Variants in CDC42SE2 observed in about 807,000 individuals in gnomAD.
CDC42SE2 encodes CDC42 small effector 2, also known as CDC42 small effector protein 2.
Under a neutral mutation model 11.5 loss-of-function variants are expected in CDC42SE2, and 3 were observed. That is an observed-to-expected ratio of 0.26 (90% CI 0.12 to 0.67). The LOEUF is 0.67. CDC42SE2 is among the 30% of genes least tolerant of loss of function. CDC42SE2 has a pLI of 0.80. For missense variants in CDC42SE2, 82 were observed against 106.8 expected (o/e 0.77, Z 1.02); for synonymous variants, 33 against 34.8 (o/e 0.95, Z 0.18).
chr5:131,267,812 C>T (rs1193119111), intron 1 of CDC42SE2, among the ~76,000 whole-genome samples: 1 of 152,052 alleles, frequency 6.6e-6, no homozygotes, highest in Admixed American at 6.6e-5. Flanking sequence ...TTAGGTTCCT[C>T]ATCTGCTTTA....
chr5:131,245,724 G>A lies in CDC42SE2; in HGVS notation n.107+125G>A, dbSNP rs1427269490. 5 of 152,144 alleles carry A rather than the reference G, an allele frequency of 3.3e-5. 1 individual carries two copies. The highest frequency in any genetic ancestry group is 7.4e-5 in the Non-Finnish European group (5 of 68,022). The allele number at this position is 152,144 out of a possible 1,614,324, so 9.4% of individuals were successfully genotyped here. A position where few individuals can be genotyped will look rare whatever the true frequency, so the allele number is the denominator to read the frequency against. On this transcript the variant is annotated intron_variant and non_coding_transcript_variant, in intron 1 of 3. Coordinates refer to the CDC42SE2 transcript ENST00000502840. Reference sequence around the variant, plus strand: ...AATTTTCTTAATCATATTACTTGAAGTTACTTGAGCCTTTACCTTCTTTTT... The same window carrying A: ...AATTTTCTTAATCATATTACTTGAAATTACTTGAGCCTTTACCTTCTTTTT...
At chr5:131,380,069 G>A (rs1750273503) in intron 3 of CDC42SE2, among the ~76,000 whole-genome samples, 1 of 151,816 alleles carries the variant, frequency 6.6e-6, no homozygotes, top group South Asian at 2.1e-4. Flanking sequence ...TGGGATTACA[G>A]GTGCCTGCCA....
intron 2 of CDC42SE2, among the ~76,000 whole-genome samples, chr5:131,338,487 G>A (rs1352401806): frequency 1.3e-5 from 2 of 152,162 alleles, no homozygotes; most frequent in Admixed American, 1.3e-4. Flanking sequence ...ACCATGATAG[G>A]TATTCATTAA....
the CDC42SE2 span, among the ~76,000 whole-genome samples, chr5:131,240,023 T>C: frequency 6.6e-6 from 1 of 152,216 alleles, no homozygotes; most frequent in Non-Finnish European, 1.5e-5. Flanking sequence ...CCTCTGGCTA[T>C]TGGGGTGAAC....
chr5:131,365,307 G>A (rs1328232238), intron 3 of CDC42SE2, among the ~76,000 whole-genome samples: 1 of 150,946 alleles, frequency 6.6e-6, no homozygotes, highest in Non-Finnish European at 1.5e-5. Flanking sequence ...AAAAAAAAAA[G>A]AAAACATCAA....
intron 1 of CDC42SE2, chr5:131,253,252 G>A (rs961212084): frequency 3.9e-5 from 6 of 152,270 alleles, no homozygotes; most frequent in African/African-American, 7.2e-5. Context: ...GCGAAGGGAT[G>A]TCAGAGGTAG....
At chr5:131,328,378 C>T (rs2149739203) in intron 2 of CDC42SE2, among the ~76,000 whole-genome samples, 1 of 151,930 alleles carries the variant, frequency 6.6e-6, no homozygotes, top group African/African-American at 2.4e-5. Context: ...TAGGAATGGG[C>T]TCTTCTGTTA....
the CDC42SE2 span, among the ~76,000 whole-genome samples, chr5:131,234,891 A>T: frequency 6.4e-4 from 87 of 135,078 alleles, 1 homozygote; most frequent in Non-Finnish European, 1.0e-3. Flanking sequence ...GTGAGGGCAA[A>T]TTTTTTTTTT....
intron 1 of CDC42SE2, among the ~76,000 whole-genome samples, chr5:131,289,347 A>G (rs761923880): frequency 6.6e-6 from 1 of 152,196 alleles, no homozygotes; most frequent in Non-Finnish European, 1.5e-5. Flanking sequence ...TACTTCTAAG[A>G]CAGGTTGATA....
chr5:131,249,319 G>A (rs923452815), intron 1 of CDC42SE2, among the ~76,000 whole-genome samples: 1 of 151,456 alleles, frequency 6.6e-6, no homozygotes, highest in South Asian at 2.1e-4. Context: ...CGACCGGCCA[G>A]GTTATTTCTA....
At chr5:131,307,287 G>A (rs1397697990) in intron 1 of CDC42SE2, among the ~76,000 whole-genome samples, 3 of 138,302 alleles carry the variant, frequency 2.2e-5, no homozygotes, top group Non-Finnish European at 3.0e-5. Context: ...TCATTGTTCA[G>A]TTCCCACCTA....
At chr5:131,340,734 G>C (rs751584462) in intron 2 of CDC42SE2, among the ~76,000 whole-genome samples, 1 of 151,550 alleles carries the variant, frequency 6.6e-6, no homozygotes, top group Non-Finnish European at 1.5e-5. Context: ...ATCCAGGCTG[G>C]AGTGCAGTGG....
intron 3 of CDC42SE2, among the ~76,000 whole-genome samples, chr5:131,381,938 T>G (rs1322901366): frequency 1.3e-5 from 2 of 152,222 alleles, no homozygotes. Context: ...ACCTTTACTA[T>G]GCTCGCACAA....
Position 131,270,264 on chromosome 5 carries a change from A to G in CDC42SE2, c.-455+6098A>G, listed in dbSNP as rs1039893812. Among the ~76,000 whole-genome samples the G allele has an allele frequency of 2.6e-5, 4 of 152,034 alleles. No individual in the cohort carries two copies. In the South Asian group the frequency reaches 6.2e-4, roughly 24 times the overall value. On this transcript the variant is annotated intron_variant, in intron 1 of 4. Transcript: ENST00000505065. ...GTGGCAGGCACCTGTAGTCCCAGAT[A>G]CTAGGGAGGCTGAGGCAGGAGAATG... is the stretch of plus-strand genomic sequence containing the variant.
chr5:131,225,357 A>G, the CDC42SE2 span, among the ~76,000 whole-genome samples: 1 of 152,222 alleles, frequency 6.6e-6, no homozygotes, highest in Admixed American at 6.5e-5. Flanking sequence ...AGGGAGTTAT[A>G]GGGACATTCA....
Position 131,320,462 on chromosome 5 carries a change from C to T in CDC42SE2, c.-286+4318C>T, listed in dbSNP as rs144985391. On this transcript the variant is annotated intron_variant, in intron 2 of 4. Coordinates refer to ENST00000505065, the MANE Select transcript of CDC42SE2 (RefSeq NM_001375635.1). ...CTAGATATTAAAAATGTATTCTGGCCGGGTGGCAGTGGCTTATGCCTGTAA... is the reference window on the plus strand; with the variant it reads ...CTAGATATTAAAAATGTATTCTGGCTGGGTGGCAGTGGCTTATGCCTGTAA... Among the ~76,000 whole-genome samples the T allele has an allele frequency of 4.1e-3, 616 of 150,632 alleles. 6 individuals are homozygous for T. The highest frequency in any genetic ancestry group is 0.014 in the African/African-American group (592 of 41,000).
chr5:131,271,656 T>C (rs1469256926), intron 1 of CDC42SE2, among the ~76,000 whole-genome samples: 1 of 152,196 alleles, frequency 6.6e-6, no homozygotes, highest in Non-Finnish European at 1.5e-5. Context: ...AGTACTTCTG[T>C]ATGTCTGCGA....
At chr5:131,224,328 T>C in the CDC42SE2 span, among the ~76,000 whole-genome samples, 2 of 152,204 alleles carry the variant, frequency 1.3e-5, no homozygotes, top group Non-Finnish European at 2.9e-5. Flanking sequence ...ATAGATCTCA[T>C]AGAGAATTCC....
At chr5:131,252,875 C>G (rs185616276) in intron 1 of CDC42SE2, among the ~76,000 whole-genome samples, 26 of 152,346 alleles carry the variant, frequency 1.7e-4, no homozygotes, top group African/African-American at 6.0e-4. Flanking sequence ...TCCTCTCAAG[C>G]ATCTGCTCTT....
Sources: gnomAD v4.1 joint callset for allele counts (sites outside exome capture counted in the v4.1 genomes callset) on GRCh38, gnomAD v4.1.1 for gene constraint, MANE v1.5 for transcripts, NCBI Gene and HGNC (gene_info 2026-07-23, HGNC 2026-07-21) for gene names.